Variants in MYO5B observed in about 807,000 individuals in gnomAD.
MYO5B encodes myosin VB.
MYO5B carries 143 observed loss-of-function variants against 229.3 expected under a neutral mutation model. That is an observed-to-expected ratio of 0.62 (90% confidence interval 0.54 to 0.72). The LOEUF (loss-of-function observed/expected upper bound fraction) is 0.72, where lower values mean the gene tolerates loss of function less well. MYO5B is among the 30% of genes least tolerant of loss of function. MYO5B has a pLI of 0.00. For synonymous variants in MYO5B, 918 were observed against 885.2 expected (o/e 1.04, Z -0.66); for missense variants, 2,321 against 2,331.0 (o/e 1.00, Z 0.09).
chr18:50,093,556 G>T (rs534157865), intron 1 of MYO5B, among the ~76,000 whole-genome samples: 1 of 152,128 alleles, frequency 6.6e-6, no homozygotes, highest in Non-Finnish European at 1.5e-5. Flanking sequence ...ATGAGGCTGA[G>T]ACCTGCTGGG....
intron 32 of MYO5B, among the ~76,000 whole-genome samples, chr18:49,847,542 T>A (rs992652048): frequency 1.3e-5 from 2 of 152,062 alleles, no homozygotes; most frequent in African/African-American, 4.8e-5. Context: ...GGGTCCACAC[T>A]CTGGATAGGG....
chr18:49,925,015 T>C (rs1231133901), intron 17 of MYO5B, among the ~76,000 whole-genome samples: 1 of 152,220 alleles, frequency 6.6e-6, no homozygotes, highest in African/African-American at 2.4e-5. Context: ...GGATCCCTCC[T>C]TGCAGCCAGG....
At chr18:50,063,289 T>G (rs1474404242) in intron 1 of MYO5B, among the ~76,000 whole-genome samples, 1 of 152,196 alleles carries the variant, frequency 6.6e-6, no homozygotes, top group Non-Finnish European at 1.5e-5. Context: ...AATCTTCCCC[T>G]TTCCCCAAAT....
chr18:50,037,100 G>C (rs1014129612), intron 3 of MYO5B, 106 bp from the exon 4 acceptor site: 1 of 1,228,514 alleles, frequency 8.1e-7, no homozygotes, highest in Non-Finnish European at 1.2e-6. Context: ...CAAAGAATGA[G>C]AGGGCAGCAG....
intron 13 of MYO5B, 37 bp from the exon 14 acceptor site, chr18:49,953,380 A>G: frequency 6.3e-7 from 1 of 1,580,206 alleles, no homozygotes; most frequent in Non-Finnish European, 8.7e-7. Flanking sequence ...CACAGTCGTT[A>G]GTGCTTCAGC....
chr18:49,834,829 C>G (rs887480485), intron 39 of MYO5B, among the ~76,000 whole-genome samples: 3 of 152,038 alleles, frequency 2.0e-5, no homozygotes, highest in Non-Finnish European at 4.4e-5. Flanking sequence ...TAGTAGAGAC[C>G]GGGTTTCACC....
intron 28 of MYO5B, 88 bp downstream of exon 28, chr18:49,864,053 C>T: frequency 6.4e-7 from 1 of 1,573,324 alleles, no homozygotes; most frequent in Non-Finnish European, 8.6e-7. Context: ...GGTTTTAGAC[C>T]CTCGTGGGTA....
intron 18 of MYO5B, 88 bp from the exon 19 acceptor site, chr18:49,906,718 A>C: frequency 1.6e-6 from 2 of 1,223,930 alleles, no homozygotes; most frequent in South Asian, 2.6e-5. Flanking sequence ...CCCATGCAGA[A>C]TCCCCTGGCC....
intron 1 of MYO5B, among the ~76,000 whole-genome samples, chr18:50,120,282 G>A (rs1028162531): frequency 2.2e-4 from 34 of 152,214 alleles, no homozygotes; most frequent in African/African-American, 7.5e-4. Flanking sequence ...CTCAAGTGAG[G>A]TCTGAAGACA....
At chr18:49,892,337 G>T in intron 22 of MYO5B, among the ~76,000 whole-genome samples, 1 of 152,222 alleles carries the variant, frequency 6.6e-6, no homozygotes, top group Middle Eastern at 3.2e-3. Flanking sequence ...TGGACAGAGA[G>T]ATGAATTCCT....
intron 37 of MYO5B, among the ~76,000 whole-genome samples, chr18:49,837,203 T>G (rs1247935306): frequency 2.0e-5 from 3 of 152,266 alleles, no homozygotes; most frequent in African/African-American, 7.2e-5. Context: ...TATACTTCTA[T>G]GTGAGCCTTC....
At chr18:50,061,378 C>T (rs983026302) in intron 1 of MYO5B, among the ~76,000 whole-genome samples, 8 of 152,174 alleles carry the variant, frequency 5.3e-5, no homozygotes, top group Non-Finnish European at 1.2e-4. Context: ...GGTGATATTA[C>T]TATACAGTTT....
At chr18:50,012,423 C>A (rs78586571) in intron 4 of MYO5B, among the ~76,000 whole-genome samples, 10,010 of 152,226 alleles carry the variant, frequency 0.066, 502 homozygotes, top group African/African-American at 0.14. Context: ...ACCACAGAAA[C>A]CTTTATTAAT....
intron 1 of MYO5B, among the ~76,000 whole-genome samples, chr18:50,188,796 A>C (rs1399305596): frequency 0.066 from 8,256 of 125,220 alleles, 339 homozygotes; most frequent in African/African-American, 0.098. Context: ...AAAAAAAAAA[A>C]AAAAAAAAAA....
Position 49,951,912 on chromosome 18 carries a change from A to T in MYO5B, c.1752+1348T>A, listed in dbSNP as rs117140973. Among the ~76,000 whole-genome samples, 1,381 of 152,316 alleles carry T rather than the reference A, an allele frequency of 9.1e-3. 8 individuals are homozygous for T. Among genetic ancestry groups the T allele is most frequent in the Non-Finnish European group, 0.015 (1,054 of 68,026 alleles). On this transcript the variant is annotated intron_variant, in intron 14 of 39. Transcript: ENST00000285039. ...TCCTCATGAAAAAATGGAAAAAGTC[A>T]CATTAACCACCACAGACTGGAGATC... is the stretch of plus-strand genomic sequence containing the variant.
chr18:50,056,615 A>T (rs1406991334), intron 1 of MYO5B, among the ~76,000 whole-genome samples: 1 of 152,212 alleles, frequency 6.6e-6, no homozygotes, highest in Admixed American at 6.5e-5. Flanking sequence ...TTGGGTCAGT[A>T]TCATCCACTT....
At chr18:49,928,899 T>C (rs974181108) in intron 17 of MYO5B, among the ~76,000 whole-genome samples, 1 of 152,130 alleles carries the variant, frequency 6.6e-6, no homozygotes, top group African/African-American at 2.4e-5. Flanking sequence ...TTCTCACTCA[T>C]AAGTGGGAGC....
At chr18:50,005,658 C>G (rs2026093575) in intron 4 of MYO5B, among the ~76,000 whole-genome samples, 1 of 152,206 alleles carries the variant, frequency 6.6e-6, no homozygotes, top group African/African-American at 2.4e-5. Flanking sequence ...CTCAAGCAAT[C>G]TGCCCACCCT....
chr18:49,891,076 C>G (rs763754373), intron 22 of MYO5B, among the ~76,000 whole-genome samples: 88 of 152,246 alleles, frequency 5.8e-4, no homozygotes, highest in Non-Finnish European at 1.1e-3. Flanking sequence ...GTCAGAAGAT[C>G]CTTCCTGACC....
Sources: allele counts gnomAD v4.1 joint callset (sites outside exome capture counted in the v4.1 genomes callset), GRCh38; gene constraint gnomAD v4.1.1; transcripts MANE v1.5; gene names NCBI Gene and HGNC (gene_info 2026-07-23, HGNC 2026-07-21).